VPS13B: variants seen among roughly 807,000 people sequenced by gnomAD.
VPS13B encodes vacuolar protein sorting 13 homolog B, also known as intermembrane lipid transfer protein VPS13B.
Under a neutral mutation model 426.4 loss-of-function variants are expected in VPS13B, and 285 were observed. The observed-to-expected ratio is 0.67, with a 90% CI of 0.61 to 0.74. The LOEUF is 0.74. VPS13B is among the 30% of genes least tolerant of loss of function. The pLI, the probability that VPS13B is intolerant of heterozygous loss-of-function variation, is 0.00. For synonymous variants in VPS13B, 1,676 were observed against 1,676.4 expected (o/e 1.00, Z 0.01); for missense variants, 4,537 against 4,782.6 (o/e 0.95, Z 1.51).
chr8:99,302,099 T>C (rs921230663), intron 19 of VPS13B, among the ~76,000 whole-genome samples: 2 of 152,186 alleles, frequency 1.3e-5, no homozygotes, highest in African/African-American at 4.8e-5. Context: ...GGGCATCAGA[T>C]TTTCTGCTGC....
rs187796143 is a variant in VPS13B, at chr8:99,421,734, G to A, written c.3083-9803G>A. ...ACTCCATCACCCAGGCTGGAGTGCC[G>A]TGCCATTAACTCAGCTTACTGCAAC... On this transcript the variant is annotated intron_variant, in intron 21 of 61. Coordinates refer to ENST00000357162, the MANE Select transcript of VPS13B (RefSeq NM_152564.5). Among the ~76,000 whole-genome samples, 121 of 152,112 alleles carry A rather than the reference G, an allele frequency of 8.0e-4. 2 individuals are homozygous for A. The highest frequency in any genetic ancestry group is 6.4e-3 in the Admixed American group (98 of 15,272).
At chr8:99,051,202 T>C (rs1354690337) in intron 3 of VPS13B, among the ~76,000 whole-genome samples, 1 of 152,212 alleles carries the variant, frequency 6.6e-6, no homozygotes, top group Non-Finnish European at 1.5e-5. Flanking sequence ...GAATTAATTT[T>C]TGTATAAGGT....
intron 42 of VPS13B, among the ~76,000 whole-genome samples, 160 bp from the exon 43 acceptor site, chr8:99,784,154 GT>G (rs1280476200): frequency 6.6e-6 from 1 of 152,154 alleles, no homozygotes; most frequent in African/African-American, 2.4e-5. Flanking sequence ...TTTTTTATGT[GT>G]GTGCTTATCC....
chr8:99,183,609 T>C (rs1813062895), intron 16 of VPS13B, among the ~76,000 whole-genome samples: 1 of 152,188 alleles, frequency 6.6e-6, no homozygotes, highest in Non-Finnish European at 1.5e-5. Flanking sequence ...AATGTGGACT[T>C]AAATTGGGTA....
chr8:99,508,595 A>G (rs915078012), intron 28 of VPS13B, among the ~76,000 whole-genome samples: 1 of 152,082 alleles, frequency 6.6e-6, no homozygotes, highest in Non-Finnish European at 1.5e-5. Flanking sequence ...AAAAAATGTG[A>G]CTTTTGTGTT....
chr8:99,125,615 G>C (rs1248975181), intron 8 of VPS13B, among the ~76,000 whole-genome samples: 1 of 152,178 alleles, frequency 6.6e-6, no homozygotes, highest in Non-Finnish European at 1.5e-5. Context: ...AGACATGCTA[G>C]AGGCTGTAGG....
chr8:99,136,749 A>C lies in VPS13B; in HGVS notation c.1648A>C (p.Lys550Gln). ...GTATACAATGGAGAACACTAGTGGC[A>C]AAGGTATTGGCTTCTTTCCTTTATG... The part of the protein sequence containing the change: ...YLYTMENTSG[K>Q]GSTNQQDFSS... Residue 550 changes from lysine to glutamine, a missense_variant, in exon 12 of 62, where the codon AAA becomes CAA. Physicochemically the swap from Lys to Gln is moderately conservative, Grantham distance 53. This residue lies in a region of VPS13B where 4,311 missense variants were observed against 4,474.3 expected (regional missense o/e 0.96). Coordinates refer to ENST00000357162, the MANE Select transcript of VPS13B (RefSeq NM_152564.5). The C allele has an allele frequency of 2.5e-6, 4 of 1,613,466 alleles. No homozygotes were observed. Among genetic ancestry groups the C allele is most frequent in the Non-Finnish European group, 3.4e-6 (4 of 1,179,558 alleles).
chr8:99,587,805 T>C (rs1826384621), intron 33 of VPS13B, among the ~76,000 whole-genome samples: 1 of 151,862 alleles, frequency 6.6e-6, no homozygotes, highest in Admixed American at 6.5e-5. Flanking sequence ...TCTTTTGCTG[T>C]GCAGAAGCCC....
chr8:99,695,645 A>G (rs1831940596), intron 35 of VPS13B, among the ~76,000 whole-genome samples: 3 of 146,986 alleles, frequency 2.0e-5, no homozygotes, highest in Admixed American at 1.4e-4. Context: ...ACATGTATAC[A>G]TATGTAACTA....
chr8:99,816,226 C>T (rs1814029037), intron 44 of VPS13B, among the ~76,000 whole-genome samples: 2 of 152,070 alleles, frequency 1.3e-5, no homozygotes, highest in Admixed American at 6.6e-5. Flanking sequence ...CCTCAGCCTC[C>T]TGAGTAGCTG....
chr8:99,312,039 A>C (rs960714163), intron 19 of VPS13B, among the ~76,000 whole-genome samples: 1 of 152,024 alleles, frequency 6.6e-6, no homozygotes, highest in Admixed American at 6.6e-5. Context: ...ATCTTCCTCC[A>C]TCCCTTTATT....
intron 31 of VPS13B, among the ~76,000 whole-genome samples, chr8:99,569,712 C>T (rs1382261267): frequency 6.6e-6 from 1 of 152,180 alleles, no homozygotes; most frequent in Non-Finnish European, 1.5e-5. Flanking sequence ...CTTTCTGACA[C>T]ATGTGTTTTC....
At chr8:99,291,280 A>G (rs1381108336) in intron 19 of VPS13B, among the ~76,000 whole-genome samples, 2 of 152,264 alleles carry the variant, frequency 1.3e-5, no homozygotes, top group Admixed American at 6.5e-5. Flanking sequence ...AATGAGGAAC[A>G]AAGAAACAAG....
intron 30 of VPS13B, among the ~76,000 whole-genome samples, chr8:99,553,402 G>T (rs190020552): frequency 7.0e-4 from 107 of 152,136 alleles, no homozygotes; most frequent in African/African-American, 2.5e-3. Context: ...TATCGTTTTC[G>T]TTGCAGTTCA....
intron 19 of VPS13B, among the ~76,000 whole-genome samples, chr8:99,301,578 C>T (rs932802692): frequency 6.6e-6 from 1 of 151,604 alleles, no homozygotes; most frequent in Non-Finnish European, 1.5e-5. Context: ...GCGTGAGCCA[C>T]TGCACCCAGC....
At chr8:99,039,063 TG>T (rs1043694963) in intron 3 of VPS13B, among the ~76,000 whole-genome samples, 2 of 152,196 alleles carry the variant, frequency 1.3e-5, no homozygotes, top group African/African-American at 4.8e-5. Context: ...ATGTAAAGGT[TG>T]TTTTCATACA....
chr8:99,192,992 A>G lies in VPS13B; in HGVS notation c.2450A>G (p.His817Arg). 2.5e-6 allele frequency: 4 copies of G among 1,613,792 alleles called. No homozygotes were observed. Among genetic ancestry groups the G allele is most frequent in the Non-Finnish European group, 3.4e-6 (4 of 1,179,834 alleles). The change falls in exon 17 of 62, where the codon CAT becomes CGT. Residue 817 changes from histidine (H) to arginine (R), a missense_variant. By Grantham distance (29) the His-to-Arg change is conservative. Around this residue, in one of 2 missense-constraint regions of VPS13B, gnomAD observed 4,311 missense variants for 4,474.3 expected, o/e 0.96. Transcript: ENST00000357162. ...CAAGCAATATATCAAAGTTGGTCTC[A>G]TCTTGGAAATGTCAGCTCTTCCGCA... ...LLQAIYQSWS[H>R]LGNVSSSAVI...
intron 51 of VPS13B, among the ~76,000 whole-genome samples, chr8:99,827,073 T>C (rs1272580962): frequency 6.6e-6 from 1 of 152,206 alleles, no homozygotes; most frequent in Non-Finnish European, 1.5e-5. Context: ...ATCAGGATGA[T>C]GGTGGCCTCA....
At chr8:99,203,780 T>C (rs1364422748) in intron 17 of VPS13B, among the ~76,000 whole-genome samples, 1 of 152,044 alleles carries the variant, frequency 6.6e-6, no homozygotes, top group Non-Finnish European at 1.5e-5. Flanking sequence ...GAGAATAAAA[T>C]ACCTAGGAAT....
Sources: gnomAD v4.1 joint callset for allele counts (sites outside exome capture counted in the v4.1 genomes callset) on GRCh38, gnomAD v4.1.1 for gene constraint, gnomAD v4.1.1 regional missense constraint, MANE v1.5 for transcripts, NCBI Gene and HGNC (gene_info 2026-07-23, HGNC 2026-07-21) for gene names.